Variants in ZFAND3 observed in about 807,000 individuals in gnomAD.
The protein encoded by ZFAND3 is AN1-type zinc finger protein 3.
Under a neutral mutation model 29.6 loss-of-function variants are expected in ZFAND3, and 10 were observed. The ratio of observed to expected loss-of-function variants is 0.34; its 90% CI spans 0.21 to 0.57. The LOEUF is 0.57. Ranked by LOEUF, ZFAND3 falls within the 20% of genes least tolerant of loss-of-function variation. The probability of loss-of-function intolerance (pLI) is 0.86; values close to 1 mark genes in which losing one functional copy is unlikely to be tolerated. For missense variants in ZFAND3, 230 were observed against 304.5 expected, an observed-to-expected ratio of 0.76 and a Z score of 1.82; for synonymous variants, 128 against 112.6, an observed-to-expected ratio of 1.14 and a Z score of -0.87.
intron 1 of ZFAND3, among the ~76,000 whole-genome samples, chr6:37,827,591 A>G (rs577295361): frequency 1.3e-5 from 2 of 152,376 alleles, no homozygotes; most frequent in Admixed American, 6.5e-5. Flanking sequence ...TGGAATTTCC[A>G]GCAGTAGTGG....
chr6:37,820,460 C>A (rs1044370132), intron 1 of ZFAND3, among the ~76,000 whole-genome samples: 1 of 152,224 alleles, frequency 6.6e-6, no homozygotes, highest in Non-Finnish European at 1.5e-5. Flanking sequence ...CTCCCCTCCT[C>A]CCCGTCCTCC....
chr6:37,924,842 T>C (rs1761453446), intron 1 of ZFAND3, among the ~76,000 whole-genome samples: 1 of 151,508 alleles, frequency 6.6e-6, no homozygotes, highest in South Asian at 2.1e-4. Flanking sequence ...AAAAATAAAT[T>C]GGGTTGTTGA....
rs187768707 is a variant in ZFAND3, at chr6:37,956,065, A to G, written c.112+26066A>G. Among the ~76,000 whole-genome samples the G allele has an allele frequency of 2.2e-4, 34 of 152,208 alleles. 1 individual carries two copies. In the East Asian group the frequency reaches 4.0e-3, roughly 18 times the overall value. On this transcript the variant is annotated intron_variant, in intron 2 of 5. Coordinates refer to ENST00000287218, the MANE Select transcript of ZFAND3 (RefSeq NM_021943.3). ...GGGAAGTGCATATGCTGTGTAGGGTACTCAGAATTTGGAACTCTGTGAAAC... is the reference window on the plus strand; with the variant it reads ...GGGAAGTGCATATGCTGTGTAGGGTGCTCAGAATTTGGAACTCTGTGAAAC...
intron 2 of ZFAND3, among the ~76,000 whole-genome samples, chr6:38,056,114 C>T (rs1764130011): frequency 6.6e-6 from 1 of 152,172 alleles, no homozygotes; most frequent in Non-Finnish European, 1.5e-5. Flanking sequence ...TGATATACTT[C>T]TATGATATAA....
intron 5 of ZFAND3, among the ~76,000 whole-genome samples, chr6:38,148,777 A>G (rs961518879): frequency 6.6e-6 from 1 of 152,168 alleles, no homozygotes; most frequent in African/African-American, 2.4e-5. Context: ...CCCCCTTCTG[A>G]CACCAAAATG....
At chr6:37,890,086 A>G (rs1765065132) in intron 1 of ZFAND3, among the ~76,000 whole-genome samples, 1 of 152,192 alleles carries the variant, frequency 6.6e-6, no homozygotes, top group Non-Finnish European at 1.5e-5. Context: ...AAAAAAGGAC[A>G]TGTAGCTGCT....
chr6:37,951,466 G>T (rs1317288207), intron 2 of ZFAND3, among the ~76,000 whole-genome samples: 2 of 152,072 alleles, frequency 1.3e-5, no homozygotes, highest in Non-Finnish European at 2.9e-5. Flanking sequence ...ATAGTGGTGG[G>T]TGCCTGTAAT....
At chr6:38,099,373 A>G (rs1024941808) in intron 4 of ZFAND3, among the ~76,000 whole-genome samples, 5 of 152,184 alleles carry the variant, frequency 3.3e-5, no homozygotes, top group Non-Finnish European at 7.4e-5. Context: ...CTATATATGT[A>G]TAATTATTTC....
intron 1 of ZFAND3, among the ~76,000 whole-genome samples, chr6:37,888,056 A>ACAAAT (rs1765027197): frequency 6.6e-6 from 1 of 152,132 alleles, no homozygotes; most frequent in South Asian, 2.1e-4. Context: ...ACAAAACAAA[A>ACAAAT]CTGTAAGGTG....
intron 4 of ZFAND3, among the ~76,000 whole-genome samples, chr6:38,085,490 G>A (rs1333326342): frequency 1.3e-5 from 2 of 152,214 alleles, no homozygotes; most frequent in Non-Finnish European, 2.9e-5. Flanking sequence ...ACAATGTACT[G>A]TCTGAGGTGT....
At chr6:38,090,425 A>T (rs1042628934) in intron 4 of ZFAND3, among the ~76,000 whole-genome samples, 4 of 152,202 alleles carry the variant, frequency 2.6e-5, no homozygotes, top group African/African-American at 9.7e-5. Context: ...ATTTAAATAA[A>T]TGTTTTACCT....
intron 2 of ZFAND3, among the ~76,000 whole-genome samples, chr6:37,968,979 C>CT (rs1230078013): frequency 1.3e-5 from 2 of 152,180 alleles, no homozygotes; most frequent in Non-Finnish European, 2.9e-5. Flanking sequence ...TCTGAGTGAA[C>CT]TTCCTAGAGT....
At chr6:38,072,923 A>G (rs1367632277) in intron 3 of ZFAND3, among the ~76,000 whole-genome samples, 1 of 152,262 alleles carries the variant, frequency 6.6e-6, no homozygotes, top group African/African-American at 2.4e-5. Context: ...AAATATCAGT[A>G]TAATCCCTTC....
chr6:38,101,725 G>A (rs1177100754), intron 4 of ZFAND3, among the ~76,000 whole-genome samples: 1 of 129,876 alleles, frequency 7.7e-6, no homozygotes, highest in East Asian at 2.5e-4. Flanking sequence ...GGTGAGCGGA[G>A]ATCGTGCCAC....
chr6:38,094,329 GA>G (rs201221256), intron 4 of ZFAND3, among the ~76,000 whole-genome samples: 166 of 138,000 alleles, frequency 1.2e-3, no homozygotes, highest in African/African-American at 2.7e-3. Context: ...TAATCCAGAA[GA>G]AAAAAAAAAA....
chr6:37,918,111 C>A (rs894061625), intron 1 of ZFAND3, among the ~76,000 whole-genome samples: 1 of 152,048 alleles, frequency 6.6e-6, no homozygotes, highest in Admixed American at 6.6e-5. Context: ...GAGTCTCGCT[C>A]TGTTGCCCAG....
intron 2 of ZFAND3, among the ~76,000 whole-genome samples, chr6:38,045,054 T>TTTTAA (rs1763869893): frequency 7.4e-6 from 1 of 134,738 alleles, no homozygotes; most frequent in African/African-American, 2.7e-5. Context: ...GTGGAAATTC[T>TTTTAA]TTTATTTATT....
At chr6:37,909,717 C>T (rs1431011792) in intron 1 of ZFAND3, among the ~76,000 whole-genome samples, 1 of 145,886 alleles carries the variant, frequency 6.9e-6, no homozygotes, top group Non-Finnish European at 1.5e-5. Flanking sequence ...TATAGTTGTG[C>T]TGATTAATCA....
At chr6:37,830,650 C>G (rs1408422163) in intron 1 of ZFAND3, among the ~76,000 whole-genome samples, 1 of 152,334 alleles carries the variant, frequency 6.6e-6, no homozygotes, top group East Asian at 1.9e-4. Flanking sequence ...CATGGTTTCT[C>G]TTTGCAGCAG....
Sources: allele counts gnomAD v4.1 joint callset (sites outside exome capture counted in the v4.1 genomes callset), GRCh38; gene constraint gnomAD v4.1.1; transcripts MANE v1.5; gene names NCBI Gene and HGNC (gene_info 2026-07-23, HGNC 2026-07-21).